Variants in KLRC1 observed in about 807,000 individuals in gnomAD.
The protein encoded by KLRC1 is killer cell lectin like receptor C1, also known as NKG2-A/NKG2-B type II integral membrane protein.
KLRC1 carries 22 observed loss-of-function variants against 25.9 expected under a neutral mutation model. The observed-to-expected ratio is 0.85, with a 90% CI of 0.61 to 1.21. The LOEUF is 1.21. Among genes scored for constraint, KLRC1 ranks in the 50% most tolerant of loss-of-function variants. The probability of loss-of-function intolerance (pLI) is 0.00; values close to 1 mark genes in which losing one functional copy is unlikely to be tolerated. For synonymous variants in KLRC1, 77 were observed against 93.1 expected, an observed-to-expected ratio of 0.83 and a Z score of 0.99; for missense variants, 240 against 272.2, an observed-to-expected ratio of 0.88 and a Z score of 0.83.
chr12:10,454,541 A>G, upstream of KLRC1: 1 of 923,378 alleles, frequency 1.1e-6, no homozygotes, highest in Non-Finnish European at 1.3e-6. Context: ...AACTAGTGTC[A>G]GCCACAACTT....
In KLRC1 at chr12:10,450,955, T is replaced by C. The variant is rs1200041870; in HGVS notation, c.187+15A>G. On this transcript the variant is annotated intron_variant, in intron 2 of 6. Transcript: ENST00000359151. The stretch of plus-strand genomic sequence containing the variant: ...ATCCTAGACTGTTATATTGAGGATC[T>C]TTTAAATGCTTTACCTTTGCAGTGA... 1 of 1,586,490 alleles carries C rather than the reference T, an allele frequency of 6.3e-7. No individual in the cohort carries two copies.
At chr12:10,445,553 A>G (rs1393066623), downstream of KLRC1, among the ~76,000 whole-genome samples, 13 of 152,196 alleles carry the variant, frequency 8.5e-5, no homozygotes, top group Admixed American at 7.9e-4. Context: ...CTTCTATTCA[A>G]CTATGGGTAT....
At chr12:10,452,311 T>A (rs1456386341) in intron 1 of KLRC1, among the ~76,000 whole-genome samples, 1 of 152,210 alleles carries the variant, frequency 6.6e-6, no homozygotes, top group African/African-American at 2.4e-5. Context: ...TAAAGGCCAC[T>A]TTAGTTGTAT....
In KLRC1 at chr12:10,446,631, A is replaced by G. The variant is rs775825553; in HGVS notation, c.622T>C (p.Cys208Arg). ...AGTCGATTTACTTGTAGCACTGCAC[A>G]GTTAAGTTCAGCATTATCTGAGTCT... ...IKDSDNAELN[C>R]AVLQVNRLKS... is the part of the protein sequence containing the mutation. The change falls in exon 7 of 7, where the codon TGT becomes CGT. Residue 208 changes from cysteine to arginine, a missense_variant. Coordinates refer to ENST00000359151, the MANE Select transcript of KLRC1 (RefSeq NM_002259.5). The G allele has an allele frequency of 6.2e-7, 1 of 1,613,990 alleles. No homozygotes were observed. Among genetic ancestry groups the G allele is most frequent in the Non-Finnish European group, 8.5e-7 (1 of 1,179,904 alleles).
Position 10,449,952 on chromosome 12 carries a change from C to G in KLRC1, c.299G>C (p.Arg100Thr). The G allele has an allele frequency of 6.7e-7, 1 of 1,488,116 alleles. No homozygotes were observed. The highest frequency in any genetic ancestry group is 9.0e-7 in the Non-Finnish European group (1 of 1,115,906). The allele number at this position is 1,488,116 out of a possible 1,614,324, so 92.2% of individuals were successfully genotyped here. Residue 100 changes from arginine to threonine, a missense_variant, in exon 4 of 7, where the codon AGG (arginine) becomes ACG (threonine). Coordinates refer to ENST00000359151, the MANE Select transcript of KLRC1 (RefSeq NM_002259.5). ...IVVIPSTLIQ[R>T]HNNSSLNTRT... ...TGTATTCAGGGAAGAATTGTTGTGC[C>G]TCTGTATTAATGTAGCTAGAAAAAT...
At chr12:10,450,941 T>G in intron 2 of KLRC1, 29 bp downstream of exon 2, 1 of 1,526,868 alleles carries the variant, frequency 6.5e-7, no homozygotes, top group Non-Finnish European at 9.0e-7. Flanking sequence ...TCCTAGACTG[T>G]TATATTGAGG....
chr12:10,453,091 T>C (rs1244153336), intron 1 of KLRC1, 107 bp downstream of exon 1: 1 of 354,264 alleles, frequency 2.8e-6, no homozygotes, highest in Non-Finnish European at 4.0e-6. Context: ...TATTCTACTT[T>C]GATTTTATTG....
At position 10,446,269 on chromosome 12, in the gene KLRC1, G is replaced by A. The variant is rs1327644901; in HGVS notation, c.*282C>T. The A allele has an allele frequency of 1.5e-6, 1 of 647,436 alleles. No individual in the cohort carries two copies. The highest frequency in any genetic ancestry group is 2.1e-6 in the Non-Finnish European group (1 of 482,746). The allele number at this position is 647,436 out of a possible 1,614,324, so 40.1% of individuals were successfully genotyped here. ...ACTATTCTACTTTCTGTCTCCATGG[G>A]TTTGACTGTTCTTGGTACTTCCTAT... On this transcript the variant is annotated 3_prime_UTR_variant, in exon 7 of 7. Coordinates refer to ENST00000359151, the MANE Select transcript of KLRC1 (RefSeq NM_002259.5).
At chr12:10,445,676 A>C (rs1863970586), downstream of KLRC1, among the ~76,000 whole-genome samples, 1 of 152,206 alleles carries the variant, frequency 6.6e-6, no homozygotes, top group African/African-American at 2.4e-5. Flanking sequence ...TAGAACACCC[A>C]GAAATAAATC....
At chr12:10,449,682 A>G (rs540181504) in intron 4 of KLRC1, among the ~76,000 whole-genome samples, 1 of 152,336 alleles carries the variant, frequency 6.6e-6, no homozygotes, top group East Asian at 1.9e-4. Context: ...GGAACAATAA[A>G]TAACTTGTAT....
downstream of KLRC1, among the ~76,000 whole-genome samples, chr12:10,444,885 C>T (rs190651042): frequency 6.7e-6 from 1 of 149,570 alleles, no homozygotes; most frequent in Admixed American, 6.7e-5. Flanking sequence ...AGAAACAAAT[C>T]TTACCCTACA....
At chr12:10,450,017 C>T in intron 3 of KLRC1, 50 bp from the exon 4 acceptor site, 3 of 1,263,060 alleles carry the variant, frequency 2.4e-6, no homozygotes, top group Non-Finnish European at 3.1e-6. Context: ...CTAAATCAAT[C>T]ATAATAATTT....
At position 10,446,795 on chromosome 12, in the gene KLRC1, G is replaced by A. The variant is rs1278811400; in HGVS notation, c.591-133C>T. 6.1e-6 allele frequency: 7 copies of A among 1,144,194 alleles called. No homozygotes were observed. In the South Asian group the frequency reaches 7.9e-5, roughly 13 times the overall value. 70.9% of individuals were successfully genotyped at this position (1,144,194 alleles called of 1,614,324 possible). A position where few individuals can be genotyped will look rare whatever the true frequency, so the allele number is the denominator to read the frequency against. Reference sequence around the variant, plus strand: ...TAAATTTTTCATAATATTAGTAAGAGTCATTATTCTGAACACTCAACAGAG... The same window carrying A: ...TAAATTTTTCATAATATTAGTAAGAATCATTATTCTGAACACTCAACAGAG... On this transcript the variant is annotated intron_variant, in intron 6 of 6. Coordinates refer to ENST00000359151, the MANE Select transcript of KLRC1 (RefSeq NM_002259.5).
intron 2 of KLRC1, 132 bp downstream of exon 2, chr12:10,450,838 G>C (rs192405646): frequency 4.2e-6 from 3 of 721,526 alleles, no homozygotes; most frequent in Admixed American, 5.0e-5. Flanking sequence ...CATTGAAATA[G>C]CATATCTCAA....
chr12:10,446,568 A>G lies in KLRC1; in HGVS notation c.685T>C (p.Cys229Arg), dbSNP rs763426864. 1 of 1,613,676 alleles carries G rather than the reference A, an allele frequency of 6.2e-7. No individual in the cohort carries two copies. Among genetic ancestry groups the G allele is most frequent in the African/African-American group, 1.3e-5 (1 of 74,982 alleles). ...AQCGSSIIYH[C>R]KHKL ...CTTTACCTCTAAAGCTTATGCTTAC[A>G]ATGATATATTATTGAAGATCCACAC... The change falls in exon 7 of 7, where the codon TGT becomes CGT. Residue 229 changes from cysteine to arginine, a missense_variant. Physicochemically the swap from Cys to Arg is radical, Grantham distance 180. Coordinates refer to ENST00000359151, the MANE Select transcript of KLRC1 (RefSeq NM_002259.5).
chr12:10,451,529 G>C (rs1392850519), intron 1 of KLRC1, among the ~76,000 whole-genome samples: 1 of 152,016 alleles, frequency 6.6e-6, no homozygotes, highest in Non-Finnish European at 1.5e-5. Context: ...GATGTCAGGC[G>C]CCTGTAGTCC....
chr12:10,452,563 T>C (rs1864148058), intron 1 of KLRC1, among the ~76,000 whole-genome samples: 1 of 152,214 alleles, frequency 6.6e-6, no homozygotes, highest in Non-Finnish European at 1.5e-5. Flanking sequence ...TTAGCTACTT[T>C]AATTATTATT....
chr12:10,442,382 T>C (rs1591609485), downstream of KLRC1: 1 of 332,130 alleles, frequency 3.0e-6, no homozygotes, highest in East Asian at 5.2e-5. Context: ...TAATGTTCAA[T>C]CAGAATGTAA....
chr12:10,445,609 G>C (rs570001266), downstream of KLRC1, among the ~76,000 whole-genome samples: 22 of 152,056 alleles, frequency 1.4e-4, no homozygotes, highest in African/African-American at 5.3e-4. Context: ...CTACGTTATA[G>C]CATATAGATT....
Sources: gnomAD v4.1 joint callset for allele counts (sites outside exome capture counted in the v4.1 genomes callset) on GRCh38, gnomAD v4.1.1 for gene constraint, MANE v1.5 for transcripts, NCBI Gene and HGNC (gene_info 2026-07-23, HGNC 2026-07-21) for gene names.